Variants in GMIP observed in about 807,000 individuals in gnomAD.
GMIP encodes GEM-interacting protein.
GMIP carries 54 observed loss-of-function variants against 105.3 expected under a neutral mutation model. That is an observed-to-expected ratio of 0.51 (90% CI 0.41 to 0.64). The LOEUF (loss-of-function observed/expected upper bound fraction) is 0.64, where lower values mean the gene tolerates loss of function less well. Ranked by LOEUF, GMIP falls within the 30% of genes least tolerant of loss-of-function variation. GMIP has a pLI of 0.00. For missense variants in GMIP, 1,110 were observed against 1,319.4 expected (o/e 0.84, Z 2.46); for synonymous variants, 541 against 560.8 (o/e 0.96, Z 0.50).
rs2061872443 is a variant in GMIP, at chr19:19,637,884, G to A, written c.927+36C>T. 4 of 1,568,794 alleles carry A rather than the reference G, an allele frequency of 2.5e-6. No individual in the cohort carries two copies. In the Admixed American group the frequency reaches 5.3e-5, roughly 21 times the overall value. On this transcript the variant is annotated intron_variant, in intron 10 of 20. Coordinates refer to ENST00000203556, the MANE Select transcript of GMIP (RefSeq NM_016573.4). The surrounding 1 kb of genome is among the most constrained non-coding windows in gnomAD (Gnocchi z 6.7). ...GGGGCACTCAGTCGGGGCCCCAACG[G>A]GGTGAGGGGAGGATGGCCTTGGGGA...
rs1474607562 is a variant in GMIP at position 19,643,608 on chromosome 19, TGCCGCCGCAGCC to T, written c.-91_-80del. The T allele has an allele frequency of 1.2e-5, 16 of 1,320,138 alleles. No homozygotes were observed. Among genetic ancestry groups the T allele is most frequent in the South Asian group, 2.7e-5 (2 of 73,372 alleles). 81.8% of individuals were successfully genotyped at this position (1,320,138 alleles called of 1,614,324 possible). On this transcript the variant is annotated 5_prime_UTR_variant, in exon 1 of 21. Transcript: ENST00000203556. Reference sequence around the variant, plus strand: ...CCGGCGGGGCCGAGCCCCGATTTCCTGCCGCCGCAGCCGCCGCCGCCGCCTCGGTTCCGCGTC... The same window carrying T: ...CCGGCGGGGCCGAGCCCCGATTTCCTGCCGCCGCCGCCTCGGTTCCGCGTC...
Position 19,638,157 on chromosome 19 carries a change from A to T in GMIP, c.789+2T>A. Reference sequence around the variant, plus strand: ...TACAGGGGCTCGGGGCCGGGTGCCCACCTTGGCCTGGGCCTCCTCTCGCGA... The same window carrying T: ...TACAGGGGCTCGGGGCCGGGTGCCCTCCTTGGCCTGGGCCTCCTCTCGCGA... On this transcript the variant is annotated splice_donor_variant, in intron 9 of 20. Transcript: ENST00000203556. LOFTEE classifies it high-confidence loss of function. 1 of 1,579,412 alleles carries T rather than the reference A, an allele frequency of 6.3e-7. No homozygotes were observed.
rs762828487 is a variant in GMIP, at chr19:19,635,772, G to C, written c.1328-51C>G. 6.8e-7 allele frequency: 1 copy of C among 1,467,848 alleles called. No individual in the cohort carries two copies. The highest frequency in any genetic ancestry group is 1.4e-5 in the African/African-American group (1 of 72,114). 90.9% of individuals were successfully genotyped at this position (1,467,848 alleles called of 1,614,324 possible). On this transcript the variant is annotated intron_variant, in intron 13 of 20. Coordinates refer to ENST00000203556, the MANE Select transcript of GMIP (RefSeq NM_016573.4). The surrounding 1 kb of genome is among the most constrained non-coding windows in gnomAD (Gnocchi z 4.7). The stretch of plus-strand genomic sequence containing the variant: ...TTCCTGGGCTATGGGAGGCACTCCT[G>C]GTTTTTAGGGCTTCCAGAACCACCC...
Position 19,630,226 on chromosome 19 carries a change from G to T in GMIP, c.2650C>A (p.Leu884Met). ...GAAGCCACCAGGGCCAGACTGGACA[G>T]CTGGTGGGTTACAGGCCTCACACCG... ...RGGVRPVTHQ[L>M]SSLALVASKL... is the part of the protein sequence containing the mutation. The change falls in exon 21 of 21, where the codon CTG (leucine) becomes ATG (methionine). Residue 884 changes from leucine to methionine, a missense_variant. Around this residue, in one of 3 missense-constraint regions of GMIP, gnomAD observed 394 missense variants for 450.5 expected, o/e 0.87. Transcript: ENST00000203556. The surrounding 1 kb of genome is among the most constrained non-coding windows in gnomAD (Gnocchi z 4.8). 6.3e-7 allele frequency: 1 copy of T among 1,591,494 alleles called. No homozygotes were observed. The highest frequency in any genetic ancestry group is 8.6e-7 in the Non-Finnish European group (1 of 1,165,292).
intron 5 of GMIP, 41 bp downstream of exon 5, chr19:19,640,402 TGGG>T: frequency 1.2e-6 from 2 of 1,614,086 alleles, no homozygotes; most frequent in Non-Finnish European, 1.7e-6. Context: ...AGCTGGGGTC[TGGG>T]GACTGCCTGG....
chr19:19,636,583 A>ATAGGTCAGGGGTGTGGGG (rs1445250450), intron 13 of GMIP, 124 bp downstream of exon 13: 13 of 713,866 alleles, frequency 1.8e-5, no homozygotes, highest in Non-Finnish European at 3.0e-5. Flanking sequence ...GGTTGAGGAA[A>ATAGGTCAGGGGTGTGGGG]TAGGTCAGGG....
intron 8 of GMIP, 23 bp from the exon 9 acceptor site, chr19:19,638,352 G>C (rs1342024106): frequency 3.7e-6 from 6 of 1,614,104 alleles, no homozygotes; most frequent in Non-Finnish European, 5.1e-6. Flanking sequence ...GAGAAGGTCA[G>C]CGTCCCGGCC....
chr19:19,636,701 C>A lies in GMIP; in HGVS notation c.1327+6G>T. On this transcript the variant is annotated splice_donor_region_variant and intron_variant, in intron 13 of 20. Transcript: ENST00000203556. ...AGTGTGGGTCAGGACCAGGTCCTATCCCTACCTGGGCTGGAAGTGGGTGAG... is the reference window on the plus strand; with the variant it reads ...AGTGTGGGTCAGGACCAGGTCCTATACCTACCTGGGCTGGAAGTGGGTGAG... 6.3e-7 allele frequency: 1 copy of A among 1,599,942 alleles called. No homozygotes were observed. The highest frequency in any genetic ancestry group is 8.6e-7 in the Non-Finnish European group (1 of 1,167,722).
intron 19 of GMIP, among the ~76,000 whole-genome samples, chr19:19,631,157 T>C (rs2061791312): frequency 6.6e-6 from 1 of 152,192 alleles, no homozygotes; most frequent in South Asian, 2.1e-4. Flanking sequence ...GCTCAGATCA[T>C]GCCCCTGCAC....
chr19:19,640,246 G>C, intron 6 of GMIP, 50 bp downstream of exon 6: 5 of 1,582,634 alleles, frequency 3.2e-6, no homozygotes, highest in Non-Finnish European at 4.3e-6. Context: ...GGGGACAAAG[G>C]TGGGGTTCTA....
Position 19,637,641 on chromosome 19 carries a change from A to G in GMIP, c.928-80T>C. The G allele has an allele frequency of 8.4e-7, 1 of 1,186,128 alleles. No homozygotes were observed. Among genetic ancestry groups the G allele is most frequent in the Non-Finnish European group, 1.1e-6 (1 of 877,198 alleles). 73.5% of individuals were successfully genotyped at this position (1,186,128 alleles called of 1,614,324 possible). On this transcript the variant is annotated intron_variant, in intron 10 of 20. Coordinates refer to ENST00000203556, the MANE Select transcript of GMIP (RefSeq NM_016573.4). The surrounding 1 kb of genome is among the most constrained non-coding windows in gnomAD (Gnocchi z 6.7). ...AGGGCCAGAGCTGGGGCGGGGCTTG[A>G]GAGACGCGAACGTGGTCAGGGTTTG...
intron 4 of GMIP, among the ~76,000 whole-genome samples, chr19:19,641,537 C>G (rs1052320638): frequency 3.9e-5 from 6 of 152,202 alleles, no homozygotes; most frequent in African/African-American, 1.4e-4. Context: ...CACCACCACA[C>G]CCAGCTAATT....
chr19:19,643,447 T>G (rs547046419), intron 1 of GMIP, 64 bp downstream of exon 1: 1 of 1,400,174 alleles, frequency 7.1e-7, no homozygotes, highest in East Asian at 2.5e-5. Context: ...GACAAGTGTG[T>G]GCCCTCAATG....
At chr19:19,638,736 G>A (rs907325533) in intron 7 of GMIP, among the ~76,000 whole-genome samples, 3 of 151,848 alleles carry the variant, frequency 2.0e-5, no homozygotes, top group African/African-American at 7.3e-5. Flanking sequence ...TAGGACTACA[G>A]GCATGTGCAC....
In GMIP at chr19:19,643,606, CCTGCCGCCG is replaced by C. The variant is rs2061949374; in HGVS notation, c.-86_-78del. The C allele has an allele frequency of 1.9e-5, 25 of 1,331,610 alleles. 1 individual carries two copies. The South Asian group carries it at 3.3e-4, about 17-fold the overall frequency. The allele number at this position is 1,331,610 out of a possible 1,614,324, so 82.5% of individuals were successfully genotyped here. On this transcript the variant is annotated 5_prime_UTR_variant, in exon 1 of 21. Coordinates refer to ENST00000203556, the MANE Select transcript of GMIP (RefSeq NM_016573.4). ...CGCCGGCGGGGCCGAGCCCCGATTT[CCTGCCGCCG>C]CAGCCGCCGCCGCCGCCTCGGTTCC...
At position 19,640,110 on chromosome 19, in the gene GMIP, G is replaced by C. The variant is rs747884257; in HGVS notation, c.512C>G (p.Ala171Gly). ...CTGGTAGTAGTCTCTTTTCTGCTGG[G>C]CCACTGTCTCCATGGCCAGGGTTCC... is the stretch of plus-strand genomic sequence containing the variant. ...SLGTLAMETV[A>G]QQKRDYYQPL... The change falls in exon 7 of 21, where the codon GCC becomes GGC. Residue 171 changes from alanine (A) to glycine (G), a missense_variant. Coordinates refer to ENST00000203556, the MANE Select transcript of GMIP (RefSeq NM_016573.4). The C allele has an allele frequency of 6.2e-7, 1 of 1,611,492 alleles. No individual in the cohort carries two copies. The highest frequency in any genetic ancestry group is 8.5e-7 in the Non-Finnish European group (1 of 1,177,640).
Position 19,630,375 on chromosome 19 carries a change from A to C in GMIP, c.2540-39T>G. 1 of 1,563,622 alleles carries C rather than the reference A, an allele frequency of 6.4e-7. No individual in the cohort carries two copies. Among genetic ancestry groups the C allele is most frequent in the Non-Finnish European group, 8.6e-7 (1 of 1,157,802 alleles). On this transcript the variant is annotated intron_variant, in intron 20 of 20. Transcript: ENST00000203556. This position sits in a 1 kb window ranked among gnomAD's most constrained non-coding sequence, Gnocchi z 4.8. ...GGGTGGTCAGTGCAGAGCACCTCCA[A>C]GTTCTCTGTATATCCCCCCAGGAGT...
chr19:19,640,029 G>A, intron 7 of GMIP, 56 bp downstream of exon 7: 1 of 1,014,364 alleles, frequency 9.9e-7, no homozygotes, highest in East Asian at 2.4e-5. Flanking sequence ...GATCAGGCCT[G>A]AAGGACAGCA....
intron 7 of GMIP, 58 bp from the exon 8 acceptor site, chr19:19,638,540 C>T: frequency 7.1e-7 from 1 of 1,404,722 alleles, no homozygotes; most frequent in Non-Finnish European, 1.0e-6. Flanking sequence ...CCAGAAGCAG[C>T]CACCCAGTCC....
Sources: gnomAD v4.1 joint callset for allele counts (sites outside exome capture counted in the v4.1 genomes callset) on GRCh38, gnomAD v4.1.1 for gene constraint, gnomAD v4.1.1 regional missense constraint, Gnocchi (gnomAD v3.1) non-coding constraint, MANE v1.5 for transcripts, NCBI Gene and HGNC (gene_info 2026-07-23, HGNC 2026-07-21) for gene names.